The following SCUBE3 variants were observed in gnomAD, a reference collection of about 807,000 sequenced individuals.
The protein encoded by SCUBE3 is signal peptide, CUB and EGF-like domain-containing protein 3.
In SCUBE3, 33 loss-of-function variants were observed where a neutral mutation model predicts 116.8. The ratio of observed to expected loss-of-function variants is 0.28; its 90% CI spans 0.21 to 0.38. The LOEUF (loss-of-function observed/expected upper bound fraction) is 0.38. Among genes scored for constraint, SCUBE3 ranks in the 10% least tolerant of loss-of-function variants. The pLI is 1.00. For missense variants in SCUBE3, 1,007 were observed against 1,324.8 expected (o/e 0.76, Z 3.72); for synonymous variants, 418 against 496.9 (o/e 0.84, Z 2.11).
chr6:35,246,292 G>A lies in SCUBE3; in HGVS notation c.2832+7G>A. 2.5e-6 allele frequency: 4 copies of A among 1,585,724 alleles called. No individual in the cohort carries two copies. The highest frequency in any genetic ancestry group is 3.5e-6 in the Non-Finnish European group (4 of 1,154,188). On this transcript the variant is annotated splice_region_variant and intron_variant, in intron 21 of 21. Transcript: ENST00000274938. ...CCACCAGGAGATTTTAAAGGTGAAT[G>A]AATATTAACAATAATGATAGCTAAC...
In SCUBE3 at chr6:35,243,641, G is replaced by C. The variant is rs769334646; in HGVS notation, c.1957G>C (p.Val653Leu). The C allele has an allele frequency of 1.2e-6, 2 of 1,614,160 alleles. No individual in the cohort carries two copies. The highest frequency in any genetic ancestry group is 1.7e-5 in the Admixed American group (1 of 60,034). ...TYYHGQTEQC[V>L]PCPAGTFQER... ...TTACCACGGCCAGACGGAGCAGTGT[G>C]TGCCATGCCCAGCGGGCACCTTCCA... The change falls in exon 16 of 22, where the codon GTG (valine) becomes CTG (leucine). Residue 653 changes from valine to leucine, a missense_variant. Around this residue, in one of 5 missense-constraint regions of SCUBE3, gnomAD observed 544 missense variants for 638.9 expected, o/e 0.85. Transcript: ENST00000274938. The surrounding 1 kb of genome is among the most constrained non-coding windows in gnomAD (Gnocchi z 6.6).
Position 35,239,632 on chromosome 6 carries a change from G to A in SCUBE3, c.830-120G>A. 2.5e-6 allele frequency: 2 copies of A among 799,484 alleles called. No homozygotes were observed. The highest frequency in any genetic ancestry group is 5.4e-5 in the East Asian group (2 of 37,192). 49.5% of individuals were successfully genotyped at this position (799,484 alleles called of 1,614,324 possible). A position where few individuals can be genotyped will look rare whatever the true frequency, so the allele number is the denominator to read the frequency against. ...GAAAGAGACAGAGAGAGATCAAGAA[G>A]AGGCAGGCCCAGGACTCCTTGATTT... On this transcript the variant is annotated intron_variant, in intron 7 of 21. Coordinates refer to ENST00000274938, the MANE Select transcript of SCUBE3 (RefSeq NM_152753.4). This position sits in a 1 kb window ranked among gnomAD's most constrained non-coding sequence, Gnocchi z 4.1.
chr6:35,234,111 C>A (rs191707984), intron 6 of SCUBE3, among the ~76,000 whole-genome samples: 1 of 152,186 alleles, frequency 6.6e-6, no homozygotes, highest in Admixed American at 6.5e-5. Context: ...ATTCCTTTAG[C>A]CTTTAGGTCT....
chr6:35,250,445 ACAGAAGGCAT>A lies in SCUBE3; in HGVS notation c.*1745_*1754del, dbSNP rs1195383288. On this transcript the variant is annotated 3_prime_UTR_variant, in exon 22 of 22. Transcript: ENST00000274938. ...CAAAGCTGTGGGAGCCAAGAATAAGACAGAAGGCATCAGATATTTGCCTGGCTCTGGTCAC... is the reference window on the plus strand; with the variant it reads ...CAAAGCTGTGGGAGCCAAGAATAAGACAGATATTTGCCTGGCTCTGGTCAC... 6.6e-6 allele frequency: 1 copy of A among 152,172 alleles called. No individual in the cohort carries two copies. The highest frequency in any genetic ancestry group is 1.5e-5 in the Non-Finnish European group (1 of 68,052). The allele number at this position is 152,172 out of a possible 1,614,324, so 9.4% of individuals were successfully genotyped here.
At position 35,244,597 on chromosome 6, in the gene SCUBE3, G is replaced by A. The variant is rs550404769; in HGVS notation, c.2240-53G>A. On this transcript the variant is annotated intron_variant, in intron 17 of 21. Transcript: ENST00000274938. The surrounding 1 kb of genome is among the most constrained non-coding windows in gnomAD (Gnocchi z 4.3). ...ATGTATCCTGTCCATCCCATGCCCC[G>A]TAACTCCCACCTGCCTACCATCTTG... 4.4e-4 allele frequency: 661 copies of A among 1,502,372 alleles called. 8 individuals are homozygous for A. In the South Asian group the frequency reaches 6.2e-3, roughly 14 times the overall value. 93.1% of individuals were successfully genotyped at this position (1,502,372 alleles called of 1,614,324 possible). A position where few individuals can be genotyped will look rare whatever the true frequency, so the allele number is the denominator to read the frequency against.
In SCUBE3 at chr6:35,237,926, G is replaced by T; in HGVS notation, c.737G>T (p.Gly246Val). The change falls in exon 7 of 22, where the codon GGC (glycine) becomes GTC (valine). Residue 246 changes from glycine (G) to valine (V), a missense_variant. Gly to Val is a moderately radical substitution (Grantham distance 109). Around this residue, in one of 5 missense-constraint regions of SCUBE3, gnomAD observed 214 missense variants for 316.7 expected, o/e 0.68. Transcript: ENST00000274938. ...CIETCAVNNG[G>V]CDSKCHDAAT... ...GAGACCTGTGCTGTCAACAACGGGG[G>T]CTGTGACAGTAAGTGCCATGATGCA... The T allele has an allele frequency of 6.2e-7, 1 of 1,611,826 alleles. No homozygotes were observed.
chr6:35,244,717 C>T lies in SCUBE3; in HGVS notation c.2307C>T (p.Ser769=). Residue 769 remains serine, a synonymous_variant, in exon 18 of 22, where the codon TCC becomes TCT. Coordinates refer to ENST00000274938, the MANE Select transcript of SCUBE3 (RefSeq NM_152753.4). This position sits in a 1 kb window ranked among gnomAD's most constrained non-coding sequence, Gnocchi z 4.3. ...GCTGTATTCGCTGTGCCATGGGCTC[C>T]TATCAGCCCGACTTCCGTCAGAACT... The part of the protein sequence containing the change: ...IHRCIRCAMG[S]YQPDFRQNFC... 1 of 1,614,160 alleles carries T rather than the reference C, an allele frequency of 6.2e-7. No individual in the cohort carries two copies. Among genetic ancestry groups the T allele is most frequent in the South Asian group, 1.1e-5 (1 of 91,084 alleles).
At chr6:35,221,164 T>C (rs1355267246) in intron 1 of SCUBE3, 1 of 152,168 alleles carries the variant, frequency 6.6e-6, no homozygotes, top group East Asian at 1.9e-4. Flanking sequence ...TGCCCCATCA[T>C]TGAGAGTTAG....
Position 35,233,713 on chromosome 6 carries a change from A to G in SCUBE3, c.712+412A>G, listed in dbSNP as rs1783642872. On this transcript the variant is annotated intron_variant, in intron 6 of 21. Transcript: ENST00000274938. This position sits in a 1 kb window ranked among gnomAD's most constrained non-coding sequence, Gnocchi z 5.7. ...TAGTGTGATAACAGAGGAATTATCA[A>G]AGCCCAGTGTCCCCACTCTGCAACT... Among the ~76,000 whole-genome samples, 1 of 152,176 alleles carries G rather than the reference A, an allele frequency of 6.6e-6. No individual in the cohort carries two copies. Among genetic ancestry groups the G allele is most frequent in the Non-Finnish European group, 1.5e-5 (1 of 68,030 alleles).
In SCUBE3 at chr6:35,227,599, G is replaced by A; in HGVS notation, c.105G>A (p.Glu35=). 1 of 1,614,150 alleles carries A rather than the reference G, an allele frequency of 6.2e-7. No individual in the cohort carries two copies. The highest frequency in any genetic ancestry group is 8.5e-7 in the Non-Finnish European group (1 of 1,180,008). ...TGCCAGATGTGGATGAGTGTGTGGA[G>A]GGGACTGACAACTGCCACATCGATG... ...KAAQDVDECV[E]GTDNCHIDAI... The change falls in exon 2 of 22, where the codon GAG becomes GAA. Residue 35 remains glutamate, a synonymous_variant. Coordinates refer to ENST00000274938, the MANE Select transcript of SCUBE3 (RefSeq NM_152753.4).
chr6:35,241,689 T>C lies in SCUBE3; in HGVS notation c.1312+30T>C. 6.4e-7 allele frequency: 1 copy of C among 1,559,126 alleles called. No individual in the cohort carries two copies. The highest frequency in any genetic ancestry group is 8.9e-7 in the Non-Finnish European group (1 of 1,129,702). On this transcript the variant is annotated intron_variant, in intron 11 of 21. Transcript: ENST00000274938. This position sits in a 1 kb window ranked among gnomAD's most constrained non-coding sequence, Gnocchi z 4.1. ...ATGGGAGGAGGGTGCTGGAGAGCTTTGGAGGAGAAAAGAGGAAGGACTGGC... is the reference window on the plus strand; with the variant it reads ...ATGGGAGGAGGGTGCTGGAGAGCTTCGGAGGAGAAAAGAGGAAGGACTGGC...
chr6:35,248,651 C>T lies in SCUBE3; in HGVS notation c.2928C>T (p.Ser976=). ...AACACAAGGAGATGCTGCCAAAATC[C>T]TTCATCAAGCTGCTCCGCTCCAAAG... ...TEKHKEMLPK[S]FIKLLRSKVS... Residue 976 remains serine (S), a synonymous_variant, in exon 22 of 22, where the codon TCC becomes TCT. Transcript: ENST00000274938. 6.2e-7 allele frequency: 1 copy of T among 1,614,094 alleles called. No homozygotes were observed. The highest frequency in any genetic ancestry group is 8.5e-7 in the Non-Finnish European group (1 of 1,180,014).
rs1256917055 is a variant in SCUBE3 at position 35,240,020 on chromosome 6, G to A, written c.952+146G>A. 8.7e-6 allele frequency: 6 copies of A among 691,352 alleles called. No individual in the cohort carries two copies. The East Asian group carries it at 1.2e-4, about 14-fold the overall frequency. The allele number at this position is 691,352 out of a possible 1,614,324, so 42.8% of individuals were successfully genotyped here. A position where few individuals can be genotyped will look rare whatever the true frequency, so the allele number is the denominator to read the frequency against. On this transcript the variant is annotated intron_variant, in intron 8 of 21. Coordinates refer to ENST00000274938, the MANE Select transcript of SCUBE3 (RefSeq NM_152753.4). This position sits in a 1 kb window ranked among gnomAD's most constrained non-coding sequence, Gnocchi z 4.6. ...GTGTCATCCTGCAAATTAGCAAATG[G>A]TACTCTTTCCCCTCAGCGGACTAGC...
In SCUBE3 at chr6:35,245,277, CCCCA is replaced by C; in HGVS notation, c.2452_2455del (p.Pro818ThrfsTer45). On this transcript the variant is annotated frameshift_variant, in exon 19 of 22. Coordinates refer to ENST00000274938, the MANE Select transcript of SCUBE3 (RefSeq NM_152753.4). LOFTEE classifies it high-confidence loss of function. The surrounding 1 kb of genome is among the most constrained non-coding windows in gnomAD (Gnocchi z 4.2). Reference sequence around the variant, plus strand: ...GTGAGTTCACTGGCTATATTGAGTCCCCCAACTACCCGGGCAACTACCCAGCTGG... The same window carrying C: ...GTGAGTTCACTGGCTATATTGAGTCCACTACCCGGGCAACTACCCAGCTGG... 6.2e-7 allele frequency: 1 copy of C among 1,614,080 alleles called. No homozygotes were observed. The highest frequency in any genetic ancestry group is 8.5e-7 in the Non-Finnish European group (1 of 1,180,008).
Position 35,231,765 on chromosome 6 carries a change from G to C in SCUBE3, c.375G>C (p.Gln125His). ...ECAEGNGGCQQSCVNMMGSYE... is the reference protein window; with the variant it reads ...ECAEGNGGCQHSCVNMMGSYE... ...CCGAGGGCAACGGCGGCTGTCAGCA[G>C]AGCTGTGTCAACATGATGGGCAGCT... The change falls in exon 4 of 22, where the codon CAG becomes CAC. Residue 125 changes from glutamine (Q) to histidine (H), a missense_variant. Physicochemically the swap from Gln to His is conservative, Grantham distance 24 (BLOSUM62 0). Coordinates refer to ENST00000274938, the MANE Select transcript of SCUBE3 (RefSeq NM_152753.4). This position sits in a 1 kb window ranked among gnomAD's most constrained non-coding sequence, Gnocchi z 4.2. 1 of 1,613,650 alleles carries C rather than the reference G, an allele frequency of 6.2e-7. No individual in the cohort carries two copies. Among genetic ancestry groups the C allele is most frequent in the South Asian group, 1.1e-5 (1 of 91,082 alleles).
In SCUBE3 at chr6:35,240,840, TGGA is replaced by T. The variant is rs558136481; in HGVS notation, c.1070-295_1070-293del. On this transcript the variant is annotated intron_variant, in intron 9 of 21. Coordinates refer to ENST00000274938, the MANE Select transcript of SCUBE3 (RefSeq NM_152753.4). The surrounding 1 kb of genome is among the most constrained non-coding windows in gnomAD (Gnocchi z 4.6). ...TCATTCCTTTGGGGACAGAGATAAT[TGGA>T]GGAGGTTTGAGCTCTTCTCAGGCCA... Among the ~76,000 whole-genome samples, 300 of 152,334 alleles carry T rather than the reference TGGA, an allele frequency of 2.0e-3. No individual in the cohort carries two copies. Among genetic ancestry groups the T allele is most frequent in the African/African-American group, 6.9e-3 (285 of 41,574 alleles).
At position 35,232,433 on chromosome 6, in the gene SCUBE3, T is replaced by C. The variant is rs1381329954; in HGVS notation, c.470-417T>C. On this transcript the variant is annotated intron_variant, in intron 4 of 21. Transcript: ENST00000274938. The surrounding 1 kb of genome is among the most constrained non-coding windows in gnomAD (Gnocchi z 4.2). Reference sequence around the variant, plus strand: ...TATACCAATTACCCTCCACTCTCATTGTAGATCTGATTGCTACTGATCTTC... The same window carrying C: ...TATACCAATTACCCTCCACTCTCATCGTAGATCTGATTGCTACTGATCTTC... Among the ~76,000 whole-genome samples the C allele has an allele frequency of 1.3e-5, 2 of 152,230 alleles. No homozygotes were observed. The highest frequency in any genetic ancestry group is 2.9e-5 in the Non-Finnish European group (2 of 68,030).
In SCUBE3 at chr6:35,251,027, G is replaced by A. The variant is rs1225712761; in HGVS notation, c.*2322G>A. ...ATGCAAAATGGCTGCTTCCAAACAA[G>A]GGAAATGGTCATTTAGTATGAGTGT... On this transcript the variant is annotated 3_prime_UTR_variant, in exon 22 of 22. Transcript: ENST00000274938. 1 of 152,114 alleles carries A rather than the reference G, an allele frequency of 6.6e-6. No individual in the cohort carries two copies. The highest frequency in any genetic ancestry group is 1.9e-4 in the East Asian group (1 of 5,202). 9.4% of individuals were successfully genotyped at this position (152,114 alleles called of 1,614,324 possible). A position where few individuals can be genotyped will look rare whatever the true frequency, so the allele number is the denominator to read the frequency against.
rs1784571489 is a variant in SCUBE3, at chr6:35,251,980, C to T, written c.*3275C>T. The stretch of plus-strand genomic sequence containing the variant: ...TTCATGAAGCAACCCAGAGGCCTCT[C>T]TGCAGCGTGTAGGGTGTGGGGCGAC... On this transcript the variant is annotated 3_prime_UTR_variant, in exon 22 of 22. Coordinates refer to ENST00000274938, the MANE Select transcript of SCUBE3 (RefSeq NM_152753.4). 1.3e-5 allele frequency: 2 copies of T among 152,268 alleles called. No individual in the cohort carries two copies. Among genetic ancestry groups the T allele is most frequent in the Non-Finnish European group, 2.9e-5 (2 of 68,092 alleles). 9.4% of individuals were successfully genotyped at this position (152,268 alleles called of 1,614,324 possible).
Sources: allele counts gnomAD v4.1 joint callset (sites outside exome capture counted in the v4.1 genomes callset), GRCh38; gene constraint gnomAD v4.1.1; regional missense constraint gnomAD v4.1.1; non-coding constraint Gnocchi (gnomAD v3.1); transcripts MANE v1.5; gene names NCBI Gene and HGNC (gene_info 2026-07-23, HGNC 2026-07-21).